The following CSAD variants were observed in gnomAD, a reference collection of about 807,000 sequenced individuals.
The protein encoded by CSAD is cysteine sulfinic acid decarboxylase.
In CSAD, 47 loss-of-function variants were observed where a neutral mutation model predicts 61.5. That is an observed-to-expected ratio of 0.76 (90% CI 0.60 to 0.97). The LOEUF is 0.97. CSAD is among the 50% of genes least tolerant of loss of function. The pLI, the probability that CSAD is intolerant of heterozygous loss-of-function variation, is 0.00. For synonymous variants in CSAD, 245 were observed against 252.7 expected, an observed-to-expected ratio of 0.97 and a Z score of 0.29; for missense variants, 611 against 643.6, an observed-to-expected ratio of 0.95 and a Z score of 0.55.
At chr12:53,180,417 T>C in intron 1 of CSAD, 1 of 1,158,406 alleles carries the variant, frequency 8.6e-7, no homozygotes, top group Non-Finnish European at 1.1e-6. Context: ...CAAACCCTCC[T>C]CCCATCGAGC....
chr12:53,160,926 C>T (rs1434210211), intron 12 of CSAD, 82 bp from the exon 13 acceptor site: 10 of 1,349,888 alleles, frequency 7.4e-6, no homozygotes, highest in Non-Finnish European at 1.0e-5. Context: ...TCCAGGTCCC[C>T]AGCAAAGGGG....
intron 1 of CSAD, chr12:53,180,402 C>G (rs1403700991): frequency 1.0e-6 from 1 of 985,220 alleles, no homozygotes; most frequent in African/African-American, 1.7e-5. Flanking sequence ...AACCAGCTCA[C>G]CCAGCAAACC....
At chr12:53,166,213 C>A in intron 10 of CSAD, 1 of 152,284 alleles carries the variant, frequency 6.6e-6, no homozygotes, top group Non-Finnish European at 1.5e-5. Flanking sequence ...ACCTGTAACC[C>A]CAGCTACTCA....
intron 2 of CSAD, among the ~76,000 whole-genome samples, chr12:53,175,905 GA>G (rs1265201975): frequency 1.3e-5 from 2 of 152,188 alleles, no homozygotes; most frequent in Non-Finnish European, 2.9e-5. Flanking sequence ...ATTCTTAGCT[GA>G]AAGAAGGTGA....
rs372421438 is a variant in CSAD at position 53,158,477 on chromosome 12, G to T, written c.*34C>A. 1 of 1,599,568 alleles carries T rather than the reference G, an allele frequency of 6.3e-7. No homozygotes were observed. The highest frequency in any genetic ancestry group is 2.2e-5 in the East Asian group (1 of 44,460). ...AATGCAGTGACTCTGCGGGTGAGGG[G>T]TGGTATCAAGGCCGGCAGCAAGACA... On this transcript the variant is annotated 3_prime_UTR_variant, in exon 17 of 17. Coordinates refer to ENST00000444623, the MANE Select transcript of CSAD (RefSeq NM_001244705.2).
chr12:53,171,388 G>C lies in CSAD; in HGVS notation c.505C>G (p.Pro169Ala). The change falls in exon 8 of 17, where the codon CCG becomes GCG. Residue 169 changes from proline to alanine, a missense_variant. Physicochemically the swap from Pro to Ala is conservative, Grantham distance 27 (BLOSUM62 -1). Transcript: ENST00000444623. ...AVNLARYQRY[P>A]DCKQRGLRTL... The stretch of plus-strand genomic sequence containing the variant: ...CGGAGGCCCCTCTGCTTGCAATCCG[G>C]GTAGCGCTGATAGCGGGCCAGATTT... The C allele has an allele frequency of 6.2e-7, 1 of 1,614,008 alleles. No individual in the cohort carries two copies. The highest frequency in any genetic ancestry group is 8.5e-7 in the Non-Finnish European group (1 of 1,180,024).
chr12:53,170,722 G>GT (rs71095994), intron 8 of CSAD: 64,409 of 431,750 alleles, frequency 0.15, 2 homozygotes, highest in South Asian at 0.23. Flanking sequence ...GCATTTGTTT[G>GT]TTTTTTTTTT....
At chr12:53,173,791 A>C (rs896260026) in intron 2 of CSAD, 21 bp from the exon 3 acceptor site, 3 of 1,612,662 alleles carry the variant, frequency 1.9e-6, no homozygotes, top group Non-Finnish European at 2.5e-6. Context: ...CAGGACCAAG[A>C]TGGCAGAGGA....
In CSAD at chr12:53,160,085, G is replaced by A. The variant is rs753121581; in HGVS notation, c.1166+35C>T. On this transcript the variant is annotated intron_variant, in intron 14 of 16. Transcript: ENST00000444623. ...GGGAGGGGCATGGACCCAGGAGAGG[G>A]GAACAGGGACGACCCCCCACCTCCT... 1.2e-5 allele frequency: 19 copies of A among 1,610,410 alleles called. No individual in the cohort carries two copies. In the East Asian group the frequency reaches 3.3e-4, roughly 28 times the overall value.
intron 10 of CSAD, among the ~76,000 whole-genome samples, chr12:53,163,820 A>G (rs1939582426): frequency 2.0e-5 from 3 of 152,332 alleles, no homozygotes; most frequent in Middle Eastern, 6.8e-3. Context: ...TGAAGAAAAG[A>G]ACAAAGTTGG....
chr12:53,159,103 C>T (rs2121367573), intron 16 of CSAD, among the ~76,000 whole-genome samples: 1 of 152,306 alleles, frequency 6.6e-6, no homozygotes, highest in Middle Eastern at 3.4e-3. Flanking sequence ...TAATTTACAA[C>T]ACTGCCTTGA....
At chr12:53,173,877 A>C (rs2121515007) in intron 2 of CSAD, 107 bp from the exon 3 acceptor site, 4 of 1,100,510 alleles carry the variant, frequency 3.6e-6, no homozygotes, top group Non-Finnish European at 5.3e-6. Context: ...TCACTATCTA[A>C]CGCCAGAACA....
Position 53,171,447 on chromosome 12 carries a change from A to G in CSAD, c.452-6T>C, listed in dbSNP as rs369614395. 130 of 1,613,362 alleles carry G rather than the reference A, an allele frequency of 8.1e-5. No individual in the cohort carries two copies. The African/African-American group carries it at 1.5e-3, about 19-fold the overall frequency. ...CATGTTGGAGATGGAGCCACCTGTCACAGGGAGGGGGCGGTGGCAAGAGGA... is the reference window on the plus strand; with the variant it reads ...CATGTTGGAGATGGAGCCACCTGTCGCAGGGAGGGGGCGGTGGCAAGAGGA... On this transcript the variant is annotated splice_region_variant and splice_polypyrimidine_tract_variant and intron_variant, in intron 7 of 16. Coordinates refer to ENST00000444623, the MANE Select transcript of CSAD (RefSeq NM_001244705.2).
chr12:53,180,062 G>C, intron 1 of CSAD: 2 of 1,408,078 alleles, frequency 1.4e-6, no homozygotes, highest in Non-Finnish European at 1.8e-6. Flanking sequence ...CTGGCCTCGG[G>C]ATTCGCAGAG....
In CSAD at chr12:53,172,556, C is replaced by A; in HGVS notation, c.219G>T (p.Arg73=). 6.2e-7 allele frequency: 1 copy of A among 1,613,932 alleles called. No individual in the cohort carries two copies. Among genetic ancestry groups the A allele is most frequent in the Non-Finnish European group, 8.5e-7 (1 of 1,179,938 alleles). Residue 73 remains arginine (R), a synonymous_variant, in exon 5 of 17, where the codon CGG becomes CGT. Transcript: ENST00000444623. The stretch of plus-strand genomic sequence containing the variant: ...CACTGTAGCGAATCACAGCCCGACA[C>A]CGCTCCAGGATCTGCTTCTGTGACT... ...QGESQKQILE[R]CRAVIRYSVK...
chr12:53,160,148 G>T lies in CSAD; in HGVS notation c.1138C>A (p.Arg380Ser). 3 of 1,613,580 alleles carry T rather than the reference G, an allele frequency of 1.9e-6. No homozygotes were observed. In the Admixed American group the frequency reaches 5.0e-5, roughly 27 times the overall value. The change falls in exon 14 of 17, where the codon CGC (arginine) becomes AGC (serine). Residue 380 changes from arginine (R) to serine (S), a missense_variant. Transcript: ENST00000444623. The part of the protein sequence containing the change: ...KAQGDQGLER[R>S]IDQAFVLARY... ...GCAAGGACAAAGGCCTGGTCGATGC[G>T]CCGCTCCAGCCCTTGATCGCCCTGT...
Position 53,171,336 on chromosome 12 carries a change from G to A in CSAD, c.557C>T (p.Thr186Ile). ...LRTLPPLALF[T>I]SKECHYSIQK... ...GTGCCTCTTCCCCACCTCCTTCGAT[G>A]TGAATAGGGCCAGGGGCGGCAGTGT... is the stretch of plus-strand genomic sequence containing the variant. Residue 186 changes from threonine (T) to isoleucine (I), a missense_variant, in exon 8 of 17, where the codon ACA (threonine) becomes ATA (isoleucine). Physicochemically the swap from Thr to Ile is moderately conservative, Grantham distance 89. Coordinates refer to ENST00000444623, the MANE Select transcript of CSAD (RefSeq NM_001244705.2). 6.2e-7 allele frequency: 1 copy of A among 1,614,086 alleles called. No homozygotes were observed. Among genetic ancestry groups the A allele is most frequent in the Non-Finnish European group, 8.5e-7 (1 of 1,180,032 alleles).
intron 10 of CSAD, among the ~76,000 whole-genome samples, chr12:53,165,597 A>G (rs1939833642): frequency 6.8e-6 from 1 of 146,892 alleles, no homozygotes; most frequent in Non-Finnish European, 1.5e-5. Flanking sequence ...TGGGAGGCGG[A>G]GCTTGCAGTG....
chr12:53,159,626 T>C lies in CSAD; in HGVS notation c.1305A>G (p.Ser435=). The C allele has an allele frequency of 6.2e-7, 1 of 1,609,986 alleles. No individual in the cohort carries two copies. Among genetic ancestry groups the C allele is most frequent in the Non-Finnish European group, 8.5e-7 (1 of 1,178,180 alleles). Reference sequence around the variant, plus strand: ...GAGAGCAGCACAGCACGCCTACCTTTGACAGCCTTTCGTGGTAATCTGGAC... The same window carrying C: ...GAGAGCAGCACAGCACGCCTACCTTCGACAGCCTTTCGTGGTAATCTGGAC... The part of the protein sequence containing the change: ...QESPDYHERL[S]KVAPVLKERM... Residue 435 remains serine, a synonymous_variant, in exon 16 of 17, where the codon TCA becomes TCG. Transcript: ENST00000444623.
Sources: gnomAD v4.1 joint callset for allele counts (sites outside exome capture counted in the v4.1 genomes callset) on GRCh38, gnomAD v4.1.1 for gene constraint, MANE v1.5 for transcripts, NCBI Gene and HGNC (gene_info 2026-07-23, HGNC 2026-07-21) for gene names.